Variants in RALYL observed in about 807,000 individuals in gnomAD.
RALYL encodes RNA-binding Raly-like protein.
A neutral mutation model predicts 35.1 loss-of-function variants in RALYL; 29 were observed. The ratio of observed to expected loss-of-function variants is 0.83; its 90% CI spans 0.61 to 1.13. The LOEUF (loss-of-function observed/expected upper bound fraction) is 1.13, where lower values mean the gene tolerates loss of function less well. Among genes scored for constraint, RALYL ranks in the 50% most tolerant of loss-of-function variants. The pLI, the probability that RALYL is intolerant of heterozygous loss-of-function variation, is 0.00. For missense variants in RALYL, 359 were observed against 360.4 expected (o/e 1.00, Z 0.03); for synonymous variants, 120 against 127.6 (o/e 0.94, Z 0.40).
chr8:84,591,053 G>A (rs1359937023), intron 2 of RALYL, among the ~76,000 whole-genome samples: 1 of 152,026 alleles, frequency 6.6e-6, no homozygotes, highest in Non-Finnish European at 1.5e-5. Context: ...AGAAGCCTTG[G>A]ACTTAGAACA....
At chr8:84,438,581 G>A (rs964883727) in intron 1 of RALYL, among the ~76,000 whole-genome samples, 10 of 151,694 alleles carry the variant, frequency 6.6e-5, no homozygotes, top group African/African-American at 2.2e-4. Flanking sequence ...TTGTTGAGCC[G>A]AGGTTTTGCC....
At chr8:84,732,000 A>G (rs1273986486) in intron 2 of RALYL, among the ~76,000 whole-genome samples, 1 of 152,034 alleles carries the variant, frequency 6.6e-6, no homozygotes, top group Non-Finnish European at 1.5e-5. Context: ...TGTTTAATAA[A>G]CGTTTGTCCT....
At chr8:84,414,366 T>C (rs2044407698) in intron 1 of RALYL, among the ~76,000 whole-genome samples, 1 of 152,192 alleles carries the variant, frequency 6.6e-6, no homozygotes, top group Non-Finnish European at 1.5e-5. Context: ...ATAGCCTCTT[T>C]TGACCACATG....
At position 84,210,876 on chromosome 8, in the gene RALYL, A is replaced by C. The variant is rs1035726100; in HGVS notation, c.-24+26452A>C. Among the ~76,000 whole-genome samples the C allele has an allele frequency of 5.1e-5, 7 of 138,246 alleles. No individual in the cohort carries two copies. In the South Asian group the frequency reaches 1.5e-3, roughly 30 times the overall value. 90.7% of individuals were successfully genotyped at this position (138,246 alleles called of 152,430 possible). On this transcript the variant is annotated intron_variant, in intron 1 of 8. Coordinates refer to ENST00000521268, the MANE Select transcript of RALYL (RefSeq NM_173848.7). ...ATGTCATAGCTAGCTCTGTGTACCTAGTGTGTGCTCTCGGCATTGATGTAT... is the reference window on the plus strand; with the variant it reads ...ATGTCATAGCTAGCTCTGTGTACCTCGTGTGTGCTCTCGGCATTGATGTAT...
chr8:84,843,862 T>C (rs1586715052), intron 4 of RALYL, among the ~76,000 whole-genome samples: 1 of 152,142 alleles, frequency 6.6e-6, no homozygotes, highest in African/African-American at 2.4e-5. Context: ...AAACAAGCAA[T>C]GGGGAAAGGA....
chr8:84,779,766 C>A (rs536066062), intron 3 of RALYL, among the ~76,000 whole-genome samples: 6 of 152,172 alleles, frequency 3.9e-5, no homozygotes, highest in Non-Finnish European at 5.9e-5. Flanking sequence ...GTGACTGCAG[C>A]AAAATATCTC....
chr8:84,671,615 A>G (rs917952369), intron 2 of RALYL, among the ~76,000 whole-genome samples: 5 of 152,186 alleles, frequency 3.3e-5, no homozygotes, highest in Non-Finnish European at 5.9e-5. Context: ...GGAAGCTGCC[A>G]CAGCTTGGGG....
chr8:84,526,035 T>G (rs2058869954), intron 1 of RALYL, among the ~76,000 whole-genome samples: 1 of 143,702 alleles, frequency 7.0e-6, no homozygotes, highest in Non-Finnish European at 1.5e-5. Context: ...CACTGCAACC[T>G]CTGACTCCCA....
At chr8:84,852,689 G>A (rs10111325) in intron 5 of RALYL, among the ~76,000 whole-genome samples, 3,209 of 152,198 alleles carry the variant, frequency 0.021, 43 homozygotes, top group East Asian at 0.079. Context: ...GGTTGTTACC[G>A]GAAAGGGGTC....
At chr8:84,899,718 G>T in intron 8 of RALYL, among the ~76,000 whole-genome samples, 1 of 152,252 alleles carries the variant, frequency 6.6e-6, no homozygotes, top group African/African-American at 2.4e-5. Flanking sequence ...ACTCTATCGT[G>T]TTGGTTTTCA....
intron 1 of RALYL, among the ~76,000 whole-genome samples, chr8:84,281,267 C>A (rs1179694891): frequency 6.6e-6 from 1 of 152,110 alleles, no homozygotes; most frequent in Non-Finnish European, 1.5e-5. Flanking sequence ...ATTTTAGATA[C>A]ATGAACAAAC....
intron 2 of RALYL, among the ~76,000 whole-genome samples, chr8:84,587,981 A>G (rs1368866386): frequency 1.3e-5 from 2 of 152,188 alleles, no homozygotes; most frequent in African/African-American, 4.8e-5. Flanking sequence ...CCTAAAGAGT[A>G]TGATGGCATT....
Position 84,531,189 on chromosome 8 carries a change from G to A in RALYL, c.256+1612G>A, listed in dbSNP as rs185342669. Among the ~76,000 whole-genome samples, 8 of 152,192 alleles carry A rather than the reference G, an allele frequency of 5.3e-5. No homozygotes were observed. The East Asian group carries it at 1.4e-3, about 26-fold the overall frequency. On this transcript the variant is annotated intron_variant, in intron 2 of 8. Transcript: ENST00000521268. The stretch of plus-strand genomic sequence containing the variant: ...AAAGATGAAGAAGCATACAAAAGAA[G>A]CAAGTTAAAAGTATAGAGAAATCAA...
chr8:84,351,968 C>A (rs1217417140), intron 1 of RALYL, among the ~76,000 whole-genome samples: 1 of 150,256 alleles, frequency 6.7e-6, no homozygotes, highest in Admixed American at 6.6e-5. Flanking sequence ...TCACAGCGTG[C>A]AGTAATTGTG....
chr8:84,883,475 A>ATCTT (rs1842483858), intron 7 of RALYL, among the ~76,000 whole-genome samples: 1 of 152,044 alleles, frequency 6.6e-6, no homozygotes, highest in Non-Finnish European at 1.5e-5. Context: ...TGAAAGGCAC[A>ATCTT]TCTTATATGG....
At chr8:84,225,217 C>G (rs1823586258) in intron 1 of RALYL, among the ~76,000 whole-genome samples, 1 of 152,150 alleles carries the variant, frequency 6.6e-6, no homozygotes, top group Non-Finnish European at 1.5e-5. Context: ...GTATTTCTTC[C>G]TATATCCATT....
At chr8:84,605,119 C>T (rs1816819192) in intron 2 of RALYL, among the ~76,000 whole-genome samples, 1 of 152,034 alleles carries the variant, frequency 6.6e-6, no homozygotes, top group African/African-American at 2.4e-5. Context: ...ACTTTTCAGC[C>T]AGAGCTCACT....
chr8:84,510,221 A>G (rs548397478), intron 1 of RALYL, among the ~76,000 whole-genome samples: 3 of 152,240 alleles, frequency 2.0e-5, no homozygotes, highest in South Asian at 4.1e-4. Context: ...ATTTTGTTCG[A>G]TTTATACCTA....
At chr8:84,786,351 G>C (rs1819452155) in intron 3 of RALYL, among the ~76,000 whole-genome samples, 1 of 152,016 alleles carries the variant, frequency 6.6e-6, no homozygotes, top group Non-Finnish European at 1.5e-5. Flanking sequence ...CCTAGTAATG[G>C]GGTTGCTGGG....
Sources: gnomAD v4.1 joint callset for allele counts (sites outside exome capture counted in the v4.1 genomes callset) on GRCh38, gnomAD v4.1.1 for gene constraint, MANE v1.5 for transcripts, NCBI Gene and HGNC (gene_info 2026-07-23, HGNC 2026-07-21) for gene names.